The following MAST4 variants were observed in gnomAD, a reference collection of about 807,000 sequenced individuals.
MAST4 encodes the protein microtubule-associated serine/threonine-protein kinase 4.
Under a neutral mutation model 162.7 loss-of-function variants are expected in MAST4, and 89 were observed. That is an observed-to-expected ratio of 0.55 (90% CI 0.46 to 0.65). MAST4 has a LOEUF of 0.65. Among genes scored for constraint, MAST4 ranks in the 30% least tolerant of loss-of-function variants. The pLI is 0.00. For synonymous variants in MAST4, 1,479 were observed against 1,361.1 expected, an observed-to-expected ratio of 1.09 and a Z score of -1.91; for missense variants, 3,153 against 3,374.0, an observed-to-expected ratio of 0.93 and a Z score of 1.62.
intron 4 of MAST4, among the ~76,000 whole-genome samples, chr5:67,019,349 C>G (rs1250195991): frequency 6.6e-6 from 1 of 152,158 alleles, no homozygotes; most frequent in East Asian, 1.9e-4. Flanking sequence ...ATTTCAGGTC[C>G]TGTTTTTCTC....
intron 4 of MAST4, among the ~76,000 whole-genome samples, chr5:66,911,328 G>T (rs1164630055): frequency 6.6e-6 from 1 of 152,112 alleles, no homozygotes; most frequent in Non-Finnish European, 1.5e-5. Context: ...TTTGCATGTG[G>T]AATCACATGC....
chr5:67,104,505 C>T lies in MAST4; in HGVS notation c.1286C>T (p.Ser429Phe). 1 of 1,613,874 alleles carries T rather than the reference C, an allele frequency of 6.2e-7. No homozygotes were observed. Among genetic ancestry groups the T allele is most frequent in the Non-Finnish European group, 8.5e-7 (1 of 1,179,828 alleles). The change falls in exon 10 of 29, where the codon TCC (serine) becomes TTC (phenylalanine). Residue 429 changes from serine to phenylalanine, a missense_variant. This residue lies in a region of MAST4 where 360 missense variants were observed against 450.0 expected (regional missense o/e 0.80). Transcript: ENST00000403625. ...CTGGCTCGAGATTGCTTGGATAAAT[C>T]CCACCAGGGCCTCATCACCTCACGA... ...IELARDCLDK[S>F]HQGLITSRYF...
intron 1 of MAST4, among the ~76,000 whole-genome samples, chr5:66,657,991 C>T (rs1746661014): frequency 6.6e-6 from 1 of 152,154 alleles, no homozygotes; most frequent in African/African-American, 2.4e-5. Context: ...TAATTATATA[C>T]AAGTTTAGTG....
At chr5:67,046,709 T>G (rs1421736091) in intron 4 of MAST4, among the ~76,000 whole-genome samples, 1 of 152,244 alleles carries the variant, frequency 6.6e-6, no homozygotes. Context: ...TTTCCAGAAG[T>G]ACTATATAAG....
chr5:66,858,366 G>A (rs1190229883), intron 3 of MAST4, among the ~76,000 whole-genome samples: 2 of 152,090 alleles, frequency 1.3e-5, no homozygotes. Flanking sequence ...TGATTTTTGA[G>A]TATGGTGTGA....
chr5:67,003,737 C>T (rs1751558699), intron 4 of MAST4: 2 of 152,076 alleles, frequency 1.3e-5, no homozygotes, highest in Non-Finnish European at 2.9e-5. Context: ...CATTCAGCCC[C>T]CTTCATTCTG....
chr5:66,838,833 C>A (rs1758217200), intron 3 of MAST4, among the ~76,000 whole-genome samples: 1 of 152,174 alleles, frequency 6.6e-6, no homozygotes, highest in Non-Finnish European at 1.5e-5. Context: ...AAGTGTTTAG[C>A]AGAGTCTCAA....
rs563348030 is a variant in MAST4, at chr5:67,140,794, C to G, written c.2495-1321C>G. ...GTGCAATACTTGTCACAAGTTGGCC[C>G]TCAGTCATAGCTGCTCATGCTTACA... On this transcript the variant is annotated intron_variant, in intron 19 of 28. Coordinates refer to ENST00000403625, the MANE Select transcript of MAST4 (RefSeq NM_001164664.2). Among the ~76,000 whole-genome samples the G allele has an allele frequency of 5.3e-5, 8 of 152,290 alleles. No homozygotes were observed. The South Asian group carries it at 1.7e-3, about 32-fold the overall frequency.
chr5:66,917,614 A>G (rs1439664886), intron 4 of MAST4, among the ~76,000 whole-genome samples: 5 of 143,658 alleles, frequency 3.5e-5, no homozygotes, highest in African/African-American at 1.1e-4. Context: ...TTTTCCCTAG[A>G]TGGATGACCA....
At chr5:66,891,886 A>G (rs983299880) in intron 3 of MAST4, among the ~76,000 whole-genome samples, 2 of 152,218 alleles carry the variant, frequency 1.3e-5, no homozygotes, top group Non-Finnish European at 2.9e-5. Context: ...GAGAAGTCCA[A>G]ATACACGCAA....
intron 2 of MAST4, among the ~76,000 whole-genome samples, chr5:66,785,061 C>T (rs1273771474): frequency 1.3e-5 from 2 of 151,990 alleles, no homozygotes; most frequent in African/African-American, 2.4e-5. Context: ...GGTAAAACCC[C>T]GTCTCTACTA....
At position 66,637,823 on chromosome 5, in the gene MAST4, A is replaced by G. The variant is rs564639761; in HGVS notation, c.363+40805A>G. ...TAGGTTCAAATTATCTGAACCTCCC[A>G]CCTCAGCTTCCCTGGTAGCTGGTAC... On this transcript the variant is annotated intron_variant, in intron 1 of 28. Coordinates refer to ENST00000403625, the MANE Select transcript of MAST4 (RefSeq NM_001164664.2). Among the ~76,000 whole-genome samples, 8 of 151,908 alleles carry G rather than the reference A, an allele frequency of 5.3e-5. 1 individual carries two copies. In the South Asian group the frequency reaches 1.7e-3, roughly 32 times the overall value.
chr5:67,139,242 C>T (rs1470365942), intron 19 of MAST4, among the ~76,000 whole-genome samples: 1 of 152,156 alleles, frequency 6.6e-6, no homozygotes, highest in Non-Finnish European at 1.5e-5. Flanking sequence ...GTATTTAATG[C>T]ATATTTAGTG....
intron 1 of MAST4, among the ~76,000 whole-genome samples, chr5:66,731,705 C>G (rs1251378975): frequency 1.3e-5 from 2 of 152,062 alleles, no homozygotes; most frequent in African/African-American, 2.4e-5. Context: ...ACTCTCATTT[C>G]TCTTGTGGTT....
intron 1 of MAST4, among the ~76,000 whole-genome samples, chr5:66,723,790 A>G (rs1022504090): frequency 1.3e-5 from 2 of 152,188 alleles, no homozygotes; most frequent in African/African-American, 2.4e-5. Context: ...ATCATTTAAG[A>G]GGAAAGACCA....
At chr5:67,004,764 C>CT in intron 4 of MAST4, 1 of 492,908 alleles carries the variant, frequency 2.0e-6, no homozygotes. Flanking sequence ...TTTCCCGGAC[C>CT]TTTGAGAGGA....
intron 4 of MAST4, among the ~76,000 whole-genome samples, chr5:67,031,955 C>T (rs1170206481): frequency 6.6e-6 from 1 of 152,130 alleles, no homozygotes; most frequent in Non-Finnish European, 1.5e-5. Flanking sequence ...GGAAATGAAT[C>T]AGTGGAAAAT....
intron 27 of MAST4, among the ~76,000 whole-genome samples, chr5:67,160,851 G>C (rs2151112937): frequency 6.6e-6 from 1 of 152,294 alleles, no homozygotes; most frequent in East Asian, 1.9e-4. Context: ...GCCCTTTGCT[G>C]TTTTTTAAGC....
intron 1 of MAST4, among the ~76,000 whole-genome samples, chr5:66,631,455 A>G (rs1463981320): frequency 6.6e-6 from 1 of 152,152 alleles, no homozygotes; most frequent in Non-Finnish European, 1.5e-5. Context: ...GGTCTTGCTG[A>G]GGAGGTAAGA....
Sources: allele counts gnomAD v4.1 joint callset (sites outside exome capture counted in the v4.1 genomes callset), GRCh38; gene constraint gnomAD v4.1.1; regional missense constraint gnomAD v4.1.1; transcripts MANE v1.5; gene names NCBI Gene and HGNC (gene_info 2026-07-23, HGNC 2026-07-21).